RASSF8: variants seen among roughly 807,000 people sequenced by gnomAD.
RASSF8 encodes Ras association domain family member 8.
RASSF8 carries 22 observed loss-of-function variants against 48.5 expected under a neutral mutation model. That is an observed-to-expected ratio of 0.45 (90% confidence interval 0.32 to 0.65). The LOEUF (loss-of-function observed/expected upper bound fraction) is 0.65, where lower values mean the gene tolerates loss of function less well. Ranked by LOEUF, RASSF8 falls within the 30% of genes least tolerant of loss-of-function variation. The pLI, the probability that RASSF8 is intolerant of heterozygous loss-of-function variation, is 0.03. For synonymous variants in RASSF8, 127 were observed against 171.5 expected, an observed-to-expected ratio of 0.74 and a Z score of 2.03; for missense variants, 418 against 489.2, an observed-to-expected ratio of 0.85 and a Z score of 1.37.
intron 3 of RASSF8, among the ~76,000 whole-genome samples, chr12:26,056,742 A>C (rs562557744): frequency 1.3e-5 from 2 of 152,344 alleles, no homozygotes; most frequent in East Asian, 3.9e-4. Context: ...CAATGCTGAA[A>C]ATTCTGGGCT....
chr12:26,062,565 A>G (rs1943767388), intron 3 of RASSF8, among the ~76,000 whole-genome samples: 2 of 152,238 alleles, frequency 1.3e-5, no homozygotes, highest in Non-Finnish European at 1.5e-5. Context: ...TCATGTAGGT[A>G]AGCACAGTAG....
At chr12:26,020,505 CTT>C (rs559641872) in intron 2 of RASSF8, 5 of 152,082 alleles carry the variant, frequency 3.3e-5, no homozygotes, top group Non-Finnish European at 7.4e-5. Context: ...AGAGAAAACA[CTT>C]TACAAAGAGA....
intron 2 of RASSF8, among the ~76,000 whole-genome samples, chr12:26,049,815 G>A (rs555579598): frequency 5.3e-5 from 8 of 152,240 alleles, no homozygotes; most frequent in South Asian, 2.1e-4. Flanking sequence ...ACGGAGTCTC[G>A]CTCTGTCACC....
intron 2 of RASSF8, among the ~76,000 whole-genome samples, chr12:26,005,816 G>A (rs551017109): frequency 1.3e-5 from 2 of 152,226 alleles, no homozygotes; most frequent in East Asian, 1.9e-4. Flanking sequence ...ATTTCAGCTA[G>A]GCTATACTTG....
intron 3 of RASSF8, among the ~76,000 whole-genome samples, chr12:26,058,523 T>TGCGC (rs1943661663): frequency 1.9e-5 from 2 of 105,688 alleles, no homozygotes; most frequent in African/African-American, 3.4e-5. Context: ...ACTACACACA[T>TGCGC]GCGCACGCGC....
intron 1 of RASSF8, among the ~76,000 whole-genome samples, chr12:25,990,146 A>G (rs1204394833): frequency 6.6e-6 from 1 of 152,162 alleles, no homozygotes; most frequent in Non-Finnish European, 1.5e-5. Flanking sequence ...AACTTTGTAT[A>G]ACCTGTATAA....
chr12:25,991,433 C>A (rs1027182851), intron 1 of RASSF8, among the ~76,000 whole-genome samples: 3 of 150,482 alleles, frequency 2.0e-5, no homozygotes, highest in African/African-American at 7.3e-5. Context: ...TTTTTTTGAA[C>A]TCTCACCTAG....
At chr12:25,984,115 G>T (rs1941811389) in intron 1 of RASSF8, among the ~76,000 whole-genome samples, 1 of 151,918 alleles carries the variant, frequency 6.6e-6, no homozygotes, top group Admixed American at 6.6e-5. Flanking sequence ...AGGCTGGAGT[G>T]CAGTCGCATG....
chr12:26,000,072 A>C (rs1942220595), intron 2 of RASSF8, among the ~76,000 whole-genome samples: 1 of 152,256 alleles, frequency 6.6e-6, no homozygotes, highest in African/African-American at 2.4e-5. Context: ...GAATTATTTT[A>C]CATTTTTATA....
At chr12:26,020,192 G>T (rs758566878) in intron 2 of RASSF8, 6 of 152,126 alleles carry the variant, frequency 3.9e-5, no homozygotes, top group Non-Finnish European at 8.8e-5. Context: ...AACTGTGGAG[G>T]CATAGATTAG....
rs1941141697 is a variant in RASSF8, at chr12:25,958,685, G to A, written c.-666G>A. 6.8e-6 allele frequency: 1 copy of A among 146,402 alleles called. No homozygotes were observed. Among genetic ancestry groups the A allele is most frequent in the African/African-American group, 2.5e-5 (1 of 40,732 alleles). The allele number at this position is 146,402 out of a possible 1,614,324, so 9.1% of individuals were successfully genotyped here. A position where few individuals can be genotyped will look rare whatever the true frequency, so the allele number is the denominator to read the frequency against. ...CCCCCAGCCCGGCCCCCAGCCCAGA[G>A]GCACCGGCCGCGGGAGCGAGCGGGT... On this transcript the variant is annotated 5_prime_UTR_variant, in exon 1 of 6. Transcript: ENST00000689635.
chr12:26,075,274 G>C (rs1347503824), downstream of RASSF8, among the ~76,000 whole-genome samples: 2 of 152,236 alleles, frequency 1.3e-5, no homozygotes, highest in Non-Finnish European at 2.9e-5. Flanking sequence ...TCAGTGAGTA[G>C]TCACAGATAA....
At chr12:25,959,973 G>T (rs1192306025) in intron 1 of RASSF8, among the ~76,000 whole-genome samples, 1 of 152,084 alleles carries the variant, frequency 6.6e-6, no homozygotes, top group Non-Finnish European at 1.5e-5. Flanking sequence ...GAAGCGAAAT[G>T]AATGCAAATC....
chr12:25,989,393 C>A (rs1941962582), intron 1 of RASSF8, among the ~76,000 whole-genome samples: 1 of 151,900 alleles, frequency 6.6e-6, no homozygotes, highest in Non-Finnish European at 1.5e-5. Flanking sequence ...TCCCCCCACC[C>A]CCTCTTTCTT....
rs61465811 is a variant in RASSF8 at position 26,058,538 on chromosome 12, GCACACA to G, written c.103+3111_103+3116del. Among the ~76,000 whole-genome samples the G allele has an allele frequency of 5.8e-3, 871 of 149,030 alleles. 8 individuals are homozygous for G. The highest frequency in any genetic ancestry group is 0.011 in the South Asian group (54 of 4,782). ...ACTACACACATGCGCACGCGCGCGC[GCACACA>G]CACACACACACACACACAGAGTGTA... On this transcript the variant is annotated intron_variant, in intron 3 of 5. Coordinates refer to ENST00000689635, the MANE Select transcript of RASSF8 (RefSeq NM_001394098.1).
chr12:26,055,555 A>G (rs3741547), intron 3 of RASSF8, 109 bp downstream of exon 3: 42,452 of 962,914 alleles, frequency 0.044, 5,089 homozygotes, highest in East Asian at 0.35. Flanking sequence ...TGGTTCCATA[A>G]TAAGTCTCAC....
chr12:25,984,619 G>A (rs910744511), intron 1 of RASSF8, among the ~76,000 whole-genome samples: 7 of 152,186 alleles, frequency 4.6e-5, no homozygotes, highest in African/African-American at 1.7e-4. Flanking sequence ...GGGACTACAG[G>A]CGTGAGCCAC....
chr12:26,031,294 ACC>A (rs1031104848), intron 2 of RASSF8, among the ~76,000 whole-genome samples: 4 of 151,948 alleles, frequency 2.6e-5, no homozygotes, highest in Non-Finnish European at 5.9e-5. Flanking sequence ...AAATTCCAAC[ACC>A]CCAAGATGCT....
chr12:25,996,628 C>G (rs1190866873), intron 2 of RASSF8, among the ~76,000 whole-genome samples: 2 of 152,116 alleles, frequency 1.3e-5, no homozygotes, highest in African/African-American at 4.8e-5. Flanking sequence ...CTCAAACATT[C>G]AATATTCTCT....
Sources: allele counts gnomAD v4.1 joint callset (sites outside exome capture counted in the v4.1 genomes callset), GRCh38; gene constraint gnomAD v4.1.1; transcripts MANE v1.5; gene names NCBI Gene and HGNC (gene_info 2026-07-23, HGNC 2026-07-21).